The following VGLL3 variants were observed in gnomAD, a reference collection of about 807,000 sequenced individuals.
VGLL3 encodes transcription cofactor vestigial-like protein 3.
Under a neutral mutation model 29.2 loss-of-function variants are expected in VGLL3, and 18 were observed. The ratio of observed to expected loss-of-function variants is 0.62; its 90% CI spans 0.43 to 0.91. The LOEUF (loss-of-function observed/expected upper bound fraction) is 0.91, where lower values mean the gene tolerates loss of function less well. VGLL3 is among the 40% of genes least tolerant of loss of function. The pLI is 0.00. For missense variants in VGLL3, 440 were observed against 413.2 expected (o/e 1.06, Z -0.56); for synonymous variants, 180 against 151.8 (o/e 1.19, Z -1.36).
chr3:86,973,817 C>T (rs1003471552), intron 2 of VGLL3, among the ~76,000 whole-genome samples: 1 of 152,134 alleles, frequency 6.6e-6, no homozygotes, highest in African/African-American at 2.4e-5. Context: ...CTATGTACAT[C>T]AATGAGCCAA....
chr3:86,971,168 C>T (rs1363671620), intron 2 of VGLL3, among the ~76,000 whole-genome samples: 2 of 152,068 alleles, frequency 1.3e-5, no homozygotes, highest in African/African-American at 4.8e-5. Context: ...TATCTATGTT[C>T]TCTCTATAAA....
At position 86,978,522 on chromosome 3, in the gene VGLL3, T is replaced by A. The variant is rs776154854; in HGVS notation, c.403+4A>T. 6 of 1,613,312 alleles carry A rather than the reference T, an allele frequency of 3.7e-6. No homozygotes were observed. Among genetic ancestry groups the A allele is most frequent in the Non-Finnish European group, 5.1e-6 (6 of 1,179,602 alleles). On this transcript the variant is annotated splice_donor_region_variant and intron_variant, in intron 2 of 3. Transcript: ENST00000398399. The stretch of plus-strand genomic sequence containing the variant: ...CTGGAGAACATCTGCTTTTGAATTC[T>A]TACCTCGCCATAGGGGGGTTAGCCC...
intron 3 of VGLL3, among the ~76,000 whole-genome samples, chr3:86,967,646 T>G (rs1704992101): frequency 6.6e-6 from 1 of 152,210 alleles, no homozygotes; most frequent in South Asian, 2.1e-4. Context: ...TTCTTTAAGC[T>G]TTTGGAAAGA....
chr3:86,972,216 C>T (rs951539655), intron 2 of VGLL3, among the ~76,000 whole-genome samples: 2 of 152,120 alleles, frequency 1.3e-5, no homozygotes, highest in Admixed American at 6.6e-5. Flanking sequence ...TTAGTGAAGA[C>T]ATTATTACTG....
chr3:86,980,057 T>C (rs1705291162), intron 1 of VGLL3, among the ~76,000 whole-genome samples: 1 of 152,046 alleles, frequency 6.6e-6, no homozygotes, highest in Admixed American at 6.6e-5. Context: ...ATATGAAATG[T>C]ATTATTCTAG....
chr3:86,953,412 A>G (rs1159924033), intron 3 of VGLL3, among the ~76,000 whole-genome samples: 1 of 144,384 alleles, frequency 6.9e-6, no homozygotes, highest in Admixed American at 6.8e-5. Flanking sequence ...TTTTAGATAG[A>G]CACACACACA....
chr3:86,966,771 GTGTATA>G (rs1416974850), intron 3 of VGLL3, among the ~76,000 whole-genome samples: 720 of 68,680 alleles, frequency 0.01, 1 homozygote, highest in Middle Eastern at 0.022. Flanking sequence ...TAGTGTGTGT[GTGTATA>G]TATATATATA....
At position 86,977,280 on chromosome 3, in the gene VGLL3, G is replaced by C. The variant is rs372760658; in HGVS notation, c.403+1246C>G. Among the ~76,000 whole-genome samples the C allele has an allele frequency of 2.9e-3, 448 of 152,184 alleles. 2 individuals carry two copies. The highest frequency in any genetic ancestry group is 9.9e-3 in the African/African-American group (410 of 41,534). On this transcript the variant is annotated intron_variant, in intron 2 of 3. Transcript: ENST00000398399. ...GAGAGAGGGTAAGAAGGGAGGGAGGGAGAGAAGAAAAGAAAGGTCAAGTAG... is the reference window on the plus strand; with the variant it reads ...GAGAGAGGGTAAGAAGGGAGGGAGGCAGAGAAGAAAAGAAAGGTCAAGTAG...
At position 86,978,602 on chromosome 3, in the gene VGLL3, A is replaced by G; in HGVS notation, c.327T>C (p.Ala109=). The change falls in exon 2 of 4, where the codon GCT becomes GCC. Residue 109 remains alanine, a synonymous_variant. Transcript: ENST00000398399. ...GATGGAGGGTGATGGCTTGGCCCAA[A>G]GCTCTTGAGAAGTGTTCATCCACTA... ...GSVVDEHFSR[A]LGQAITLHPE... is the part of the protein sequence containing the mutation. 1 of 1,614,136 alleles carries G rather than the reference A, an allele frequency of 6.2e-7. No individual in the cohort carries two copies. Among genetic ancestry groups the G allele is most frequent in the Non-Finnish European group, 8.5e-7 (1 of 1,180,016 alleles).
intron 3 of VGLL3, among the ~76,000 whole-genome samples, chr3:86,954,395 A>C (rs1704675705): frequency 6.6e-6 from 1 of 152,178 alleles, no homozygotes. Context: ...TTGCTCTCTC[A>C]GTACCCACCT....
intron 3 of VGLL3, among the ~76,000 whole-genome samples, chr3:86,959,264 A>C (rs1038280436): frequency 2.6e-5 from 4 of 152,156 alleles, no homozygotes; most frequent in Non-Finnish European, 5.9e-5. Context: ...AGATCAAATG[A>C]TTATAAGTAA....
At chr3:86,984,163 T>A (rs2107065527) in intron 1 of VGLL3, among the ~76,000 whole-genome samples, 1 of 152,362 alleles carries the variant, frequency 6.6e-6, no homozygotes, top group East Asian at 1.9e-4. Flanking sequence ...GAAATTGAAC[T>A]TCTATGTCTA....
intron 1 of VGLL3, among the ~76,000 whole-genome samples, chr3:86,983,171 A>C (rs1429162985): frequency 6.6e-6 from 1 of 152,238 alleles, no homozygotes; most frequent in Non-Finnish European, 1.5e-5. Context: ...CTAGGGAAAC[A>C]AAAGTATTTT....
intron 3 of VGLL3, among the ~76,000 whole-genome samples, chr3:86,958,025 T>G (rs2106983825): frequency 6.6e-6 from 1 of 152,304 alleles, no homozygotes; most frequent in Non-Finnish European, 1.5e-5. Context: ...TACAGACAAA[T>G]ATGCACACTT....
intron 3 of VGLL3, among the ~76,000 whole-genome samples, chr3:86,952,754 T>C (rs1398071049): frequency 6.6e-6 from 1 of 152,144 alleles, no homozygotes; most frequent in African/African-American, 2.4e-5. Flanking sequence ...GAAATACTTA[T>C]TACAAAGTTA....
At chr3:86,956,857 G>A (rs926382509) in intron 3 of VGLL3, among the ~76,000 whole-genome samples, 2 of 150,672 alleles carry the variant, frequency 1.3e-5, no homozygotes, top group East Asian at 3.9e-4. Flanking sequence ...TCCAATTTAC[G>A]TAGTAATTTA....
chr3:86,951,398 T>G (rs1704614488), intron 3 of VGLL3, among the ~76,000 whole-genome samples: 1 of 152,178 alleles, frequency 6.6e-6, no homozygotes, highest in South Asian at 2.1e-4. Flanking sequence ...CAGATCTCTT[T>G]TATAAGGGCA....
rs573570541 is a variant in VGLL3, at chr3:86,947,084, T to G, written c.938-17A>C. ...GCTGTAGACCTGGAACAAATGACAA[T>G]GGGGAAAAAATAAAGAACATTAATA... On this transcript the variant is annotated splice_polypyrimidine_tract_variant and intron_variant, in intron 3 of 3. Transcript: ENST00000398399. 2 of 780,056 alleles carry G rather than the reference T, an allele frequency of 2.6e-6. No homozygotes were observed. Among genetic ancestry groups the G allele is most frequent in the East Asian group, 2.4e-5 (1 of 41,200 alleles). The allele number at this position is 780,056 out of a possible 1,614,324, so 48.3% of individuals were successfully genotyped here.
intron 2 of VGLL3, among the ~76,000 whole-genome samples, chr3:86,973,438 T>C (rs1325767345): frequency 6.6e-6 from 1 of 152,200 alleles, no homozygotes; most frequent in African/African-American, 2.4e-5. Flanking sequence ...TAAAAATAAA[T>C]GGCTGGGTCA....
Sources: gnomAD v4.1 joint callset for allele counts (sites outside exome capture counted in the v4.1 genomes callset) on GRCh38, gnomAD v4.1.1 for gene constraint, MANE v1.5 for transcripts, NCBI Gene and HGNC (gene_info 2026-07-23, HGNC 2026-07-21) for gene names.